Variants in HP1BP3 observed in about 807,000 individuals in gnomAD.
The protein encoded by HP1BP3 is heterochromatin protein 1 binding protein 3, also known as heterochromatin protein 1-binding protein 3.
Under a neutral mutation model 62.5 loss-of-function variants are expected in HP1BP3, and 12 were observed. The observed-to-expected ratio is 0.19, with a 90% CI of 0.12 to 0.31. HP1BP3 has a LOEUF of 0.31. Among genes scored for constraint, HP1BP3 ranks in the 10% least tolerant of loss-of-function variants. The probability of loss-of-function intolerance (pLI) is 1.00; values close to 1 mark genes in which losing one functional copy is unlikely to be tolerated. For missense variants in HP1BP3, 502 were observed against 651.8 expected (o/e 0.77, Z 2.50); for synonymous variants, 260 against 237.8 (o/e 1.09, Z -0.86).
intron 1 of HP1BP3, chr1:20,786,143 C>T (rs1399797943): frequency 6.6e-6 from 1 of 152,288 alleles, no homozygotes; most frequent in Non-Finnish European, 1.5e-5. Flanking sequence ...TCCCCGGTCA[C>T]AGCTGTTAAT....
chr1:20,749,980 A>G, intron 9 of HP1BP3, 98 bp from the exon 10 acceptor site: 1 of 1,511,168 alleles, frequency 6.6e-7, no homozygotes, highest in Non-Finnish European at 8.8e-7. Context: ...GAGTTCCTGC[A>G]TTAGCACAGA....
intron 9 of HP1BP3, among the ~76,000 whole-genome samples, chr1:20,750,469 G>A (rs1418368371): frequency 6.6e-6 from 1 of 151,866 alleles, no homozygotes; most frequent in African/African-American, 2.4e-5. Flanking sequence ...CGGGGTTGCA[G>A]TGTGCCGAAA....
intron 5 of HP1BP3, 57 bp downstream of exon 5, chr1:20,773,394 A>G (rs1434652506): frequency 6.7e-7 from 1 of 1,483,374 alleles, no homozygotes; most frequent in East Asian, 2.3e-5. Context: ...CCATTTTCAA[A>G]TAAGAAAAAA....
chr1:20,769,195 C>T (rs1000253673), intron 6 of HP1BP3, among the ~76,000 whole-genome samples: 1 of 152,142 alleles, frequency 6.6e-6, no homozygotes, highest in Non-Finnish European at 1.5e-5. Flanking sequence ...TCAACTCAAG[C>T]GATCCTCCTG....
rs1348033315 is a variant in HP1BP3 at position 20,744,373 on chromosome 1, T to C, written c.*424A>G. On this transcript the variant is annotated 3_prime_UTR_variant, in exon 13 of 13. Coordinates refer to ENST00000438032, the MANE Select transcript of HP1BP3 (RefSeq NM_001372052.1). ...GCAGGAGGCTTTACAACTCAGTCAG[T>C]GCTATATTGTGCCTCCATTTTACTT... 1 of 169,518 alleles carries C rather than the reference T, an allele frequency of 5.9e-6. No homozygotes were observed. Among genetic ancestry groups the C allele is most frequent in the Non-Finnish European group, 1.3e-5 (1 of 78,974 alleles). 10.5% of individuals were successfully genotyped at this position (169,518 alleles called of 1,614,324 possible).
At chr1:20,748,457 T>G (rs568380283) in intron 10 of HP1BP3, among the ~76,000 whole-genome samples, 1 of 152,136 alleles carries the variant, frequency 6.6e-6, no homozygotes, top group Non-Finnish European at 1.5e-5. Flanking sequence ...ATCTGGCATA[T>G]AGAAATAGGC....
intron 11 of HP1BP3, 28 bp from the exon 12 acceptor site, chr1:20,745,684 A>T: frequency 1.9e-6 from 3 of 1,611,306 alleles, no homozygotes. Context: ...AGATTAAAAC[A>T]CAAGTCCCAT....
intron 1 of HP1BP3, among the ~76,000 whole-genome samples, chr1:20,782,756 C>A (rs1322295451): frequency 6.6e-6 from 1 of 151,348 alleles, no homozygotes; most frequent in Non-Finnish European, 1.5e-5. Context: ...AAAAATTAGC[C>A]GGGTGTGGTG....
rs771428281 is a variant in HP1BP3 at position 20,744,977 on chromosome 1, C to A, written c.1482G>T (p.Leu494Phe). The change falls in exon 13 of 13, where the codon TTG (leucine) becomes TTT (phenylalanine). Residue 494 changes from leucine (L) to phenylalanine (F), a missense_variant. By Grantham distance (22) the Leu-to-Phe change is conservative. This residue lies in a region of HP1BP3 where 194 missense variants were observed against 207.0 expected (regional missense o/e 0.94). Coordinates refer to ENST00000438032, the MANE Select transcript of HP1BP3 (RefSeq NM_001372052.1). The part of the protein sequence containing the change: ...SAAQRGKARP[L>F]PKKAPPKAKT... Reference sequence around the variant, plus strand: ...TGGCCTTAGGAGGTGCTTTCTTAGGCAAGGGCCTAGCTTTCCCCCGCTGGG... The same window carrying A: ...TGGCCTTAGGAGGTGCTTTCTTAGGAAAGGGCCTAGCTTTCCCCCGCTGGG... 1 of 1,614,194 alleles carries A rather than the reference C, an allele frequency of 6.2e-7. No homozygotes were observed. Among genetic ancestry groups the A allele is most frequent in the South Asian group, 1.1e-5 (1 of 91,092 alleles).
At chr1:20,756,571 A>G (rs2056122650) in intron 9 of HP1BP3, among the ~76,000 whole-genome samples, 1 of 152,152 alleles carries the variant, frequency 6.6e-6, no homozygotes, top group Non-Finnish European at 1.5e-5. Context: ...CACTGTCTCA[A>G]AAAAAAGGCC....
At position 20,745,688 on chromosome 1, in the gene HP1BP3, G is replaced by A. The variant is rs372852419; in HGVS notation, c.1254-32C>T. The A allele has an allele frequency of 7.5e-6, 12 of 1,608,866 alleles. 1 individual carries two copies. The African/African-American group carries it at 1.3e-4, about 18-fold the overall frequency. ...GGGGAAAAATTAGATTAAAACACAAGTCCCATATAAAACAAGAAAAATAAT... is the reference window on the plus strand; with the variant it reads ...GGGGAAAAATTAGATTAAAACACAAATCCCATATAAAACAAGAAAAATAAT... On this transcript the variant is annotated intron_variant, in intron 11 of 12. Transcript: ENST00000438032.
intron 8 of HP1BP3, among the ~76,000 whole-genome samples, chr1:20,764,027 A>T (rs2056631132): frequency 6.6e-6 from 1 of 152,150 alleles, no homozygotes; most frequent in Non-Finnish European, 1.5e-5. Context: ...AGACTCAAAA[A>T]CTATACCCAG....
chr1:20,761,512 T>C (rs79966024), intron 8 of HP1BP3, among the ~76,000 whole-genome samples: 5,145 of 141,134 alleles, frequency 0.036, 165 homozygotes, highest in East Asian at 0.13. Flanking sequence ...GCAGGGATTT[T>C]TGGGGGGAGA....
intron 1 of HP1BP3, among the ~76,000 whole-genome samples, chr1:20,785,493 C>T (rs1287635136): frequency 6.6e-6 from 1 of 152,202 alleles, no homozygotes; most frequent in Non-Finnish European, 1.5e-5. Flanking sequence ...TCAGATTTAA[C>T]GAGTCATGTC....
intron 9 of HP1BP3, among the ~76,000 whole-genome samples, chr1:20,756,228 C>T (rs2056099269): frequency 6.6e-6 from 1 of 152,112 alleles, no homozygotes; most frequent in African/African-American, 2.4e-5. Flanking sequence ...ATTTCTACAA[C>T]TATCTCAAAG....
At position 20,745,433 on chromosome 1, in the gene HP1BP3, G is replaced by A. The variant is rs910309706; in HGVS notation, c.1367+110C>T. On this transcript the variant is annotated intron_variant, in intron 12 of 12. Transcript: ENST00000438032. ...CAAATTTATATAAAGAACTTGAGAA[G>A]GATCCTGAGTTTCTGAAATGCTTTT... 23 of 1,296,758 alleles carry A rather than the reference G, an allele frequency of 1.8e-5. No individual in the cohort carries two copies. The African/African-American group carries it at 3.4e-4, about 19-fold the overall frequency. 80.3% of individuals were successfully genotyped at this position (1,296,758 alleles called of 1,614,324 possible).
intron 4 of HP1BP3, chr1:20,775,447 G>A (rs966475928): frequency 2.0e-5 from 3 of 152,020 alleles, no homozygotes; most frequent in Admixed American, 6.6e-5. Flanking sequence ...CATTGCGTCC[G>A]GCTTGTGTCT....
chr1:20,764,441 T>C (rs1408438473), intron 8 of HP1BP3, among the ~76,000 whole-genome samples: 1 of 151,702 alleles, frequency 6.6e-6, no homozygotes, highest in African/African-American at 2.4e-5. Context: ...CCTCCTGGGT[T>C]CAAGCGATTC....
At chr1:20,747,767 C>T in intron 10 of HP1BP3, 112 bp from the exon 11 acceptor site, 1 of 651,908 alleles carries the variant, frequency 1.5e-6, no homozygotes. Flanking sequence ...CGGTAATTGA[C>T]ATACACTAAG....
Sources: gnomAD v4.1 joint callset for allele counts (sites outside exome capture counted in the v4.1 genomes callset) on GRCh38, gnomAD v4.1.1 for gene constraint, gnomAD v4.1.1 regional missense constraint, MANE v1.5 for transcripts, NCBI Gene and HGNC (gene_info 2026-07-23, HGNC 2026-07-21) for gene names.